The following PSME3IP1 variants were observed in gnomAD, a reference collection of about 807,000 sequenced individuals.
PSME3IP1 encodes the protein PSME3-interacting protein.
In PSME3IP1, 13 loss-of-function variants were observed where a neutral mutation model predicts 34.1. The ratio of observed to expected loss-of-function variants is 0.38; its 90% confidence interval spans 0.25 to 0.61. The LOEUF is 0.61. Ranked by LOEUF, PSME3IP1 falls within the 20% of genes least tolerant of loss-of-function variation. The pLI is 0.60. For missense variants in PSME3IP1, 237 were observed against 301.4 expected, an observed-to-expected ratio of 0.79 and a Z score of 1.58; for synonymous variants, 93 against 114.3, an observed-to-expected ratio of 0.81 and a Z score of 1.19.
intron 6 of PSME3IP1, among the ~76,000 whole-genome samples, chr16:57,158,335 C>A (rs1305317016): frequency 6.6e-6 from 1 of 152,172 alleles, no homozygotes; most frequent in Admixed American, 6.5e-5. Context: ...CGCCTGTAAT[C>A]CCAACACTTT....
chr16:57,161,949 G>A (rs2071301089), intron 6 of PSME3IP1, among the ~76,000 whole-genome samples: 2 of 152,114 alleles, frequency 1.3e-5, no homozygotes, highest in Non-Finnish European at 2.9e-5. Context: ...TTGTTGCCCA[G>A]GCTGGAGAGC....
chr16:57,178,108 G>A (rs1488720999), intron 1 of PSME3IP1, among the ~76,000 whole-genome samples: 3 of 152,194 alleles, frequency 2.0e-5, no homozygotes, highest in Non-Finnish European at 2.9e-5. Context: ...ATTTCTGTAA[G>A]TTTAAAAAGA....
At chr16:57,185,732 T>C (rs1432668018) in intron 1 of PSME3IP1, 89 bp downstream of exon 1, 6 of 985,230 alleles carry the variant, frequency 6.1e-6, no homozygotes, top group Admixed American at 6.2e-5. Flanking sequence ...GGCCTGGCCC[T>C]AACCCTAACA....
intron 2 of PSME3IP1, among the ~76,000 whole-genome samples, chr16:57,173,505 T>C (rs575796407): frequency 2.1e-4 from 32 of 152,274 alleles, no homozygotes; most frequent in Admixed American, 5.9e-4. Context: ...GGCTGGTGCC[T>C]GTAATCCCAA....
At chr16:57,164,150 T>C (rs1402586911) in intron 5 of PSME3IP1, 85 bp from the exon 6 acceptor site, 2 of 1,184,862 alleles carry the variant, frequency 1.7e-6, no homozygotes, top group East Asian at 2.3e-5. Context: ...TAACTATTTA[T>C]ATGGGTCTTA....
chr16:57,158,881 T>C (rs1220705981), intron 6 of PSME3IP1, among the ~76,000 whole-genome samples: 3 of 152,258 alleles, frequency 2.0e-5, no homozygotes, highest in African/African-American at 7.2e-5. Flanking sequence ...TGTTACTGTA[T>C]GAATACTGTA....
At position 57,172,828 on chromosome 16, in the gene PSME3IP1, T is replaced by C. The variant is rs761248202; in HGVS notation, c.174A>G (p.Leu58=). Residue 58 remains leucine (L), a synonymous_variant, in exon 3 of 7, where the codon CTA becomes CTG. Coordinates refer to ENST00000309137, the MANE Select transcript of PSME3IP1 (RefSeq NM_024946.4). ...GCTGCTTCCTGTCCTTCTGTTCCTG[T>C]AGCCTTTCATATAGAGATCGAGGGT... is the stretch of plus-strand genomic sequence containing the variant. ...VYDPRSLYER[L]QEQKDRKQQE... is the part of the protein sequence containing the mutation. 8 of 1,613,686 alleles carry C rather than the reference T, an allele frequency of 5.0e-6. No homozygotes were observed. Among genetic ancestry groups the C allele is most frequent in the Non-Finnish European group, 6.8e-6 (8 of 1,179,686 alleles).
chr16:57,173,806 A>G lies in PSME3IP1; in HGVS notation c.49T>C (p.Ser17Pro), dbSNP rs1259343193. 6.2e-7 allele frequency: 1 copy of G among 1,613,924 alleles called. No individual in the cohort carries two copies. Among genetic ancestry groups the G allele is most frequent in the African/African-American group, 1.3e-5 (1 of 74,880 alleles). ...CGCCGTTCATCTAGTTCTGCCTCAG[A>G]CACAAACCTCTTTTTGATAATAAGG... ...GNLIIKKRFV[S>P]EAELDERRKR... Residue 17 changes from serine (S) to proline (P), a missense_variant, in exon 2 of 7, where the codon TCT becomes CCT. Coordinates refer to ENST00000309137, the MANE Select transcript of PSME3IP1 (RefSeq NM_024946.4).
intron 5 of PSME3IP1, among the ~76,000 whole-genome samples, 171 bp from the exon 6 acceptor site, chr16:57,164,236 C>T (rs2071595118): frequency 6.6e-6 from 1 of 152,202 alleles, no homozygotes; most frequent in Non-Finnish European, 1.5e-5. Context: ...CTTCCAATTG[C>T]ATCATCAGTC....
chr16:57,176,986 C>T (rs1342349683), intron 1 of PSME3IP1, among the ~76,000 whole-genome samples: 1 of 152,124 alleles, frequency 6.6e-6, no homozygotes, highest in Non-Finnish European at 1.5e-5. Context: ...TCCTGAGTAG[C>T]TGGGATTACA....
intron 1 of PSME3IP1, chr16:57,178,805 CT>C (rs1418991541): frequency 2.8e-5 from 28 of 985,348 alleles, no homozygotes; most frequent in Non-Finnish European, 3.1e-5. Context: ...GAAAGCAGTA[CT>C]TGATGGAGAC....
In PSME3IP1 at chr16:57,173,828, A is replaced by G. The variant is rs1271469236; in HGVS notation, c.27T>C (p.Leu9=). 3.1e-6 allele frequency: 5 copies of G among 1,613,958 alleles called. No homozygotes were observed. The South Asian group carries it at 5.5e-5, about 18-fold the overall frequency. The part of the protein sequence containing the change: MDGGDDGN[L]IIKKRFVSEA... ...CAGACACAAACCTCTTTTTGATAAT[A>G]AGGTTACCATCATCCCCTCCATCCA... The change falls in exon 2 of 7, where the codon CTT becomes CTC. Residue 9 remains leucine (L), a synonymous_variant. Coordinates refer to ENST00000309137, the MANE Select transcript of PSME3IP1 (RefSeq NM_024946.4).
upstream of PSME3IP1, chr16:57,186,052 C>T (rs1241771779): frequency 1.0e-6 from 1 of 985,410 alleles, no homozygotes; most frequent in Non-Finnish European, 1.2e-6. Context: ...AGTCCCGCCC[C>T]ACTTCCGGCG....
intron 6 of PSME3IP1, among the ~76,000 whole-genome samples, chr16:57,158,123 A>G (rs941242300): frequency 6.6e-6 from 1 of 152,222 alleles, no homozygotes; most frequent in Non-Finnish European, 1.5e-5. Context: ...TTACAGTTTC[A>G]TTGCAAATGG....
In PSME3IP1 at chr16:57,167,100, G is replaced by A. The variant is rs1373925463; in HGVS notation, c.475C>T (p.His159Tyr). The A allele has an allele frequency of 6.2e-7, 1 of 1,613,398 alleles. No homozygotes were observed. Among genetic ancestry groups the A allele is most frequent in the Non-Finnish European group, 8.5e-7 (1 of 1,180,022 alleles). Residue 159 changes from histidine (H) to tyrosine (Y), a missense_variant, in exon 5 of 7, where the codon CAT (histidine) becomes TAT (tyrosine). Physicochemically the swap from His to Tyr is moderately conservative, Grantham distance 83 (BLOSUM62 2). Coordinates refer to ENST00000309137, the MANE Select transcript of PSME3IP1 (RefSeq NM_024946.4). Reference protein sequence around the residue: ...QAKLLAGAVKHKSSESGNSVK... With the variant: ...QAKLLAGAVKYKSSESGNSVK... ...GTGTGAGTGCTGACTAACCTCTTAT[G>A]CTTCACAGCTCCTGCCAACAGCTTC...
chr16:57,153,723 C>T lies in PSME3IP1; in HGVS notation c.*567G>A, dbSNP rs916148404. The T allele has an allele frequency of 1.3e-5, 2 of 152,744 alleles. No individual in the cohort carries two copies. The highest frequency in any genetic ancestry group is 1.5e-5 in the Non-Finnish European group (1 of 68,474). 9.5% of individuals were successfully genotyped at this position (152,744 alleles called of 1,614,324 possible). Reference sequence around the variant, plus strand: ...ACAATGCATGCCGAGTGTGAAGTGACACCCCCAGCAGATGGGGTTTATCAT... The same window carrying T: ...ACAATGCATGCCGAGTGTGAAGTGATACCCCCAGCAGATGGGGTTTATCAT... On this transcript the variant is annotated 3_prime_UTR_variant, in exon 7 of 7. Coordinates refer to ENST00000309137, the MANE Select transcript of PSME3IP1 (RefSeq NM_024946.4).
intron 3 of PSME3IP1, 150 bp from the exon 4 acceptor site, chr16:57,172,522 C>T: frequency 1.1e-6 from 1 of 879,240 alleles, no homozygotes; most frequent in Non-Finnish European, 1.7e-6. Flanking sequence ...GATAACAGGG[C>T]ATAAAAAAAA....
At chr16:57,160,748 C>T (rs1313785909) in intron 6 of PSME3IP1, among the ~76,000 whole-genome samples, 1 of 152,178 alleles carries the variant, frequency 6.6e-6, no homozygotes, top group Non-Finnish European at 1.5e-5. Flanking sequence ...TCCCAAGGTA[C>T]AATAACTGCT....
rs1470414853 is a variant in PSME3IP1, at chr16:57,153,445, C to A, written c.*845G>T. 6.6e-6 allele frequency: 1 copy of A among 152,196 alleles called. No homozygotes were observed. Among genetic ancestry groups the A allele is most frequent in the East Asian group, 1.9e-4 (1 of 5,206 alleles). The allele number at this position is 152,196 out of a possible 1,614,324, so 9.4% of individuals were successfully genotyped here. A position where few individuals can be genotyped will look rare whatever the true frequency, so the allele number is the denominator to read the frequency against. On this transcript the variant is annotated 3_prime_UTR_variant, in exon 7 of 7. Coordinates refer to ENST00000309137, the MANE Select transcript of PSME3IP1 (RefSeq NM_024946.4). ...TACAATATTAGGATTCCAGGAGCTG[C>A]CAGAAATAAGTCATCTCATTAACAT...
Sources: allele counts gnomAD v4.1 joint callset (sites outside exome capture counted in the v4.1 genomes callset), GRCh38; gene constraint gnomAD v4.1.1; transcripts MANE v1.5; gene names NCBI Gene and HGNC (gene_info 2026-07-23, HGNC 2026-07-21).